CFAP61: variants seen among roughly 807,000 people sequenced by gnomAD.
CFAP61 encodes cilia and flagella associated protein 61, also known as cilia- and flagella-associated protein 61.
A neutral mutation model predicts 135.6 loss-of-function variants in CFAP61; 107 were observed. That is an observed-to-expected ratio of 0.79 (90% CI 0.67 to 0.93). CFAP61 has a LOEUF of 0.93. CFAP61 is among the 40% of genes least tolerant of loss of function. CFAP61 has a pLI of 0.00. For synonymous variants in CFAP61, 575 were observed against 578.5 expected, an observed-to-expected ratio of 0.99 and a Z score of 0.09; for missense variants, 1,507 against 1,556.2, an observed-to-expected ratio of 0.97 and a Z score of 0.53.
At chr20:20,198,299 A>G (rs2056419611) in intron 16 of CFAP61, among the ~76,000 whole-genome samples, 1 of 152,212 alleles carries the variant, frequency 6.6e-6, no homozygotes, top group South Asian at 2.1e-4. Context: ...AGGATGTGAT[A>G]TTAAATTCTT....
intron 7 of CFAP61, 117 bp from the exon 8 acceptor site, chr20:20,098,538 G>T: frequency 1.2e-6 from 1 of 848,118 alleles, no homozygotes; most frequent in Non-Finnish European, 1.8e-6. Context: ...GAACTGAGGA[G>T]GCGGAGGTTG....
chr20:20,053,286 T>C (rs905439213), intron 1 of CFAP61, among the ~76,000 whole-genome samples: 1 of 152,270 alleles, frequency 6.6e-6, no homozygotes, highest in Non-Finnish European at 1.5e-5. Context: ...CAAAATTAAG[T>C]GGAAGACACA....
chr20:20,106,887 A>G (rs2048447322), intron 8 of CFAP61, among the ~76,000 whole-genome samples: 2 of 152,224 alleles, frequency 1.3e-5, no homozygotes, highest in Admixed American at 1.3e-4. Flanking sequence ...TAATGTTGAT[A>G]TGCCACTTGT....
intron 17 of CFAP61, among the ~76,000 whole-genome samples, chr20:20,224,285 C>G (rs2048583138): frequency 6.6e-6 from 1 of 152,126 alleles, no homozygotes. Context: ...GCTCATTTCT[C>G]TTCCCTATTT....
At chr20:20,199,238 TTTGTTGTTGTTG>T (rs3060485) in intron 16 of CFAP61, among the ~76,000 whole-genome samples, 2 of 151,854 alleles carry the variant, frequency 1.3e-5, no homozygotes, top group Admixed American at 6.6e-5. Context: ...TAAAACAGTT[TTTGTTGTTGTTG>T]TTGTTGTTGT....
intron 5 of CFAP61, 52 bp from the exon 6 acceptor site, chr20:20,075,437 C>G: frequency 6.3e-7 from 1 of 1,598,462 alleles, no homozygotes; most frequent in Non-Finnish European, 8.6e-7. Flanking sequence ...TCTGACATCC[C>G]AAATTTATTT....
Position 20,178,378 on chromosome 20 carries a change from G to A in CFAP61, c.1385+8918G>A, listed in dbSNP as rs571513284. ...TGCTATAGATGATTCTTCTATTTCC[G>A]CTGCTTGCTCATTCTTGACCTACCC... On this transcript the variant is annotated intron_variant, in intron 13 of 26. Coordinates refer to ENST00000245957, the MANE Select transcript of CFAP61 (RefSeq NM_015585.4). Among the ~76,000 whole-genome samples the A allele has an allele frequency of 6.6e-5, 10 of 152,076 alleles. No individual in the cohort carries two copies. The South Asian group carries it at 1.7e-3, about 25-fold the overall frequency.
chr20:20,284,430 C>T (rs1473548057), intron 22 of CFAP61, among the ~76,000 whole-genome samples: 1 of 151,954 alleles, frequency 6.6e-6, no homozygotes, highest in Non-Finnish European at 1.5e-5. Flanking sequence ...GGACTACAGG[C>T]GGCTGCCACC....
intron 23 of CFAP61, 113 bp from the exon 24 acceptor site, chr20:20,290,187 T>C (rs1033889890): frequency 2.8e-6 from 2 of 715,236 alleles, no homozygotes; most frequent in Non-Finnish European, 5.0e-6. Context: ...GTGTGAAAGT[T>C]TGAGGAGCAT....
intron 8 of CFAP61, among the ~76,000 whole-genome samples, chr20:20,127,373 T>G (rs2050147716): frequency 1.3e-5 from 2 of 151,808 alleles, no homozygotes; most frequent in Non-Finnish European, 2.9e-5. Context: ...AGTCTAGGGC[T>G]GAAGGCTGTT....
At chr20:20,076,276 G>C (rs1202410388) in intron 6 of CFAP61, among the ~76,000 whole-genome samples, 1 of 152,186 alleles carries the variant, frequency 6.6e-6, no homozygotes, top group Admixed American at 6.5e-5. Context: ...CTTCTGCCTG[G>C]CTCTCTCAGG....
intron 21 of CFAP61, among the ~76,000 whole-genome samples, chr20:20,272,266 C>G (rs2053414144): frequency 6.6e-6 from 1 of 151,998 alleles, no homozygotes; most frequent in African/African-American, 2.4e-5. Flanking sequence ...ATGGTGAAAC[C>G]CCATCTCTAT....
chr20:20,227,663 A>G (rs761705380), intron 17 of CFAP61, among the ~76,000 whole-genome samples: 15 of 152,230 alleles, frequency 9.9e-5, no homozygotes, highest in Non-Finnish European at 1.6e-4. Context: ...AAGTATCTGA[A>G]AGGTTGAACA....
intron 23 of CFAP61, among the ~76,000 whole-genome samples, chr20:20,289,619 C>G (rs925982046): frequency 6.6e-6 from 1 of 152,198 alleles, no homozygotes; most frequent in South Asian, 2.1e-4. Context: ...CCATGAAGCC[C>G]AGTCCAGTCA....
At chr20:20,297,097 G>C (rs551566735) in intron 24 of CFAP61, among the ~76,000 whole-genome samples, 1 of 152,178 alleles carries the variant, frequency 6.6e-6, no homozygotes, top group African/African-American at 2.4e-5. Flanking sequence ...CATGCCTCCT[G>C]TATATCTCAC....
At chr20:20,299,918 C>T (rs1287306785) in intron 25 of CFAP61, among the ~76,000 whole-genome samples, 2 of 152,226 alleles carry the variant, frequency 1.3e-5, no homozygotes, top group Admixed American at 6.5e-5. Context: ...GGTCACGGAA[C>T]ATGCACGTCT....
chr20:20,185,978 A>G (rs1003623042), intron 13 of CFAP61, among the ~76,000 whole-genome samples: 2 of 151,976 alleles, frequency 1.3e-5, no homozygotes, highest in African/African-American at 4.8e-5. Context: ...TTTTCCTTTC[A>G]ATTATTTTGG....
At chr20:20,211,932 A>T (rs2047672594) in intron 17 of CFAP61, among the ~76,000 whole-genome samples, 1 of 151,822 alleles carries the variant, frequency 6.6e-6, no homozygotes, top group East Asian at 2.0e-4. Flanking sequence ...TGGGGACAGC[A>T]CTTTTCATGA....
At chr20:20,311,430 T>C (rs1010502318) in intron 25 of CFAP61, among the ~76,000 whole-genome samples, 3 of 152,144 alleles carry the variant, frequency 2.0e-5, no homozygotes, top group African/African-American at 7.2e-5. Flanking sequence ...CATCAGGCAA[T>C]GAAGGACTGT....
Sources: gnomAD v4.1 joint callset for allele counts (sites outside exome capture counted in the v4.1 genomes callset) on GRCh38, gnomAD v4.1.1 for gene constraint, MANE v1.5 for transcripts, NCBI Gene and HGNC (gene_info 2026-07-23, HGNC 2026-07-21) for gene names.